SVEP1: variants seen among roughly 807,000 people sequenced by gnomAD.
SVEP1 encodes sushi, von Willebrand factor type A, EGF and pentraxin domain containing 1.
A neutral mutation model predicts 367.3 loss-of-function variants in SVEP1; 164 were observed. The ratio of observed to expected loss-of-function variants is 0.45; its 90% CI spans 0.39 to 0.51. The LOEUF is 0.51. SVEP1 is among the 20% of genes least tolerant of loss of function. The pLI, the probability that SVEP1 is intolerant of heterozygous loss-of-function variation, is 0.00. For synonymous variants in SVEP1, 1,666 were observed against 1,611.6 expected (o/e 1.03, Z -0.81); for missense variants, 4,117 against 4,425.3 (o/e 0.93, Z 1.98).
chr9:110,493,983 A>G (rs1371523466), intron 8 of SVEP1, among the ~76,000 whole-genome samples: 2 of 152,118 alleles, frequency 1.3e-5, no homozygotes, highest in Admixed American at 6.5e-5. Context: ...TTCTCTCTGC[A>G]CATCTCTCAA....
At chr9:110,539,448 C>T (rs1233774746) in intron 3 of SVEP1, among the ~76,000 whole-genome samples, 1 of 152,020 alleles carries the variant, frequency 6.6e-6, no homozygotes, top group Non-Finnish European at 1.5e-5. Context: ...AAACAGAGTA[C>T]AGTATGACCA....
At chr9:110,411,008 T>C (rs1828035557) in intron 37 of SVEP1, 55 bp downstream of exon 37, 1 of 1,452,470 alleles carries the variant, frequency 6.9e-7, no homozygotes, top group African/African-American at 1.4e-5. Flanking sequence ...TGTTTATTTA[T>C]TTATTATGGG....
At chr9:110,571,264 T>C (rs1359756619) in intron 1 of SVEP1, among the ~76,000 whole-genome samples, 5 of 152,190 alleles carry the variant, frequency 3.3e-5, no homozygotes, top group African/African-American at 1.2e-4. Context: ...CCACCATGCC[T>C]AGCCAAGCTT....
At chr9:110,368,089 G>A (rs1320400435) in intron 47 of SVEP1, among the ~76,000 whole-genome samples, 2 of 151,922 alleles carry the variant, frequency 1.3e-5, no homozygotes, top group Admixed American at 6.6e-5. Flanking sequence ...AAAAAAAAGA[G>A]AAATTCTGTC....
chr9:110,522,717 G>A (rs969285224), intron 3 of SVEP1, among the ~76,000 whole-genome samples: 3 of 152,076 alleles, frequency 2.0e-5, no homozygotes, highest in African/African-American at 4.8e-5. Context: ...TTCCCTTTGG[G>A]TCCTATAAAG....
intron 1 of SVEP1, among the ~76,000 whole-genome samples, chr9:110,573,627 G>A (rs894240807): frequency 2.0e-5 from 3 of 152,076 alleles, no homozygotes; most frequent in Non-Finnish European, 4.4e-5. Flanking sequence ...TAGCAAAAGC[G>A]AAGTGGAAAT....
At chr9:110,438,207 G>T (rs1296772463) in intron 27 of SVEP1, among the ~76,000 whole-genome samples, 8 of 95,326 alleles carry the variant, frequency 8.4e-5, no homozygotes, top group East Asian at 3.2e-4. Flanking sequence ...TTTTTTTTGA[G>T]ACAGAGTCTT....
chr9:110,408,308 GGA>G lies in SVEP1; in HGVS notation c.7290_7291del (p.Pro2431ThrfsTer13). 1.2e-6 allele frequency: 2 copies of G among 1,613,928 alleles called. No individual in the cohort carries two copies. The highest frequency in any genetic ancestry group is 1.7e-6 in the Non-Finnish European group (2 of 1,179,868). ...TTCTACTGGAACACATTCTGGCAGT[GGA>G]GAGCTCCAGGTGCCATCAGGTTGGC... On this transcript the variant is annotated frameshift_variant, in exon 38 of 48. Transcript: ENST00000374469. LOFTEE classifies it high-confidence loss of function.
intron 27 of SVEP1, chr9:110,442,951 T>C (rs1056623005): frequency 1.3e-5 from 2 of 152,194 alleles, no homozygotes; most frequent in African/African-American, 4.8e-5. Flanking sequence ...TATTTAATTT[T>C]CTTTTAGTAT....
At chr9:110,574,815 G>A (rs1379927014) in intron 1 of SVEP1, among the ~76,000 whole-genome samples, 3 of 138,908 alleles carry the variant, frequency 2.2e-5, no homozygotes, top group Non-Finnish European at 4.5e-5. Context: ...GTGTGGCCTC[G>A]GCTCACGGCA....
chr9:110,492,411 C>T (rs2118731216), intron 8 of SVEP1, among the ~76,000 whole-genome samples: 1 of 152,128 alleles, frequency 6.6e-6, no homozygotes, highest in East Asian at 1.9e-4. Flanking sequence ...ATAATTTACT[C>T]CTTTTACTTG....
chr9:110,497,175 G>A (rs1829463733), intron 7 of SVEP1, among the ~76,000 whole-genome samples: 1 of 152,098 alleles, frequency 6.6e-6, no homozygotes. Flanking sequence ...TTCTCCTACA[G>A]GAATTCACTC....
intron 36 of SVEP1, among the ~76,000 whole-genome samples, chr9:110,425,967 G>C (rs1030403718): frequency 3.3e-5 from 5 of 152,112 alleles, no homozygotes; most frequent in African/African-American, 1.2e-4. Flanking sequence ...ATCAGAAAAA[G>C]CCCCAGCAAT....
At chr9:110,578,959 T>G in intron 1 of SVEP1, 54 bp downstream of exon 1, 1 of 1,519,978 alleles carries the variant, frequency 6.6e-7, no homozygotes, top group Non-Finnish European at 8.8e-7. Flanking sequence ...CAGGCAGCGG[T>G]GGGTCGAAGG....
intron 17 of SVEP1, among the ~76,000 whole-genome samples, chr9:110,466,770 A>AAAAAAAAAAAAAAAAAAAAAAAAC (rs1828944885): frequency 6.9e-6 from 1 of 144,534 alleles, no homozygotes. Flanking sequence ...CAAAAAAAAA[A>AAAAAAAAAAAAAAAAAAAAAAAAC]AAAAAAAAGA....
intron 20 of SVEP1, chr9:110,458,006 TA>T (rs1828803150): frequency 5.0e-6 from 2 of 403,474 alleles, no homozygotes; most frequent in Non-Finnish European, 9.6e-6. Context: ...TTGGTTTAGC[TA>T]TATTCTTAAT....
Position 110,430,016 on chromosome 9 carries a change from A to C in SVEP1, c.5531-12T>G. On this transcript the variant is annotated splice_polypyrimidine_tract_variant and intron_variant, in intron 33 of 47. Coordinates refer to ENST00000374469, the MANE Select transcript of SVEP1 (RefSeq NM_153366.4). ...ACCACATGAAACAGCTTAACAAAGG[A>C]AAAACAAACACGTGACTTTTTTGAG... The C allele has an allele frequency of 1.2e-6, 2 of 1,610,542 alleles. No individual in the cohort carries two copies. The highest frequency in any genetic ancestry group is 1.7e-6 in the Non-Finnish European group (2 of 1,179,328).
chr9:110,390,186 T>TAC (rs199638820), intron 40 of SVEP1, among the ~76,000 whole-genome samples: 1 of 115,870 alleles, frequency 8.6e-6, no homozygotes, highest in East Asian at 2.3e-4. Context: ...TATGTATATA[T>TAC]ACACTTATAT....
chr9:110,506,658 A>T (rs141051282), intron 5 of SVEP1, among the ~76,000 whole-genome samples: 38 of 152,046 alleles, frequency 2.5e-4, no homozygotes, highest in Admixed American at 9.8e-4. Flanking sequence ...TTTAGAGAAA[A>T]CCCTCTTGAA....
Sources: allele counts gnomAD v4.1 joint callset (sites outside exome capture counted in the v4.1 genomes callset), GRCh38; gene constraint gnomAD v4.1.1; transcripts MANE v1.5; gene names NCBI Gene and HGNC (gene_info 2026-07-23, HGNC 2026-07-21).